Variants in GRK7 observed in about 807,000 individuals in gnomAD.
GRK7 encodes rhodopsin kinase GRK7.
GRK7 carries 24 observed loss-of-function variants against 34.1 expected under a neutral mutation model. That is an observed-to-expected ratio of 0.70 (90% CI 0.51 to 0.99). The LOEUF is 0.99. GRK7 is among the 50% of genes least tolerant of loss of function. The probability of loss-of-function intolerance (pLI) is 0.00; values close to 1 mark genes in which losing one functional copy is unlikely to be tolerated. For missense variants in GRK7, 644 were observed against 707.3 expected, an observed-to-expected ratio of 0.91 and a Z score of 1.02; for synonymous variants, 256 against 279.4, an observed-to-expected ratio of 0.92 and a Z score of 0.84.
chr3:141,779,642 C>T (rs2084661366), intron 3 of GRK7, among the ~76,000 whole-genome samples: 1 of 152,156 alleles, frequency 6.6e-6, no homozygotes, highest in Admixed American at 6.5e-5. Context: ...AATCTGGATC[C>T]AAGACACTCT....
the GRK7 span, among the ~76,000 whole-genome samples, chr3:141,752,230 A>G: frequency 1.3e-5 from 2 of 152,338 alleles, no homozygotes; most frequent in East Asian, 3.9e-4. Context: ...CAAAATGACA[A>G]TATTTTAAGC....
At chr3:141,806,629 G>A (rs1577926032) in intron 4 of GRK7, among the ~76,000 whole-genome samples, 1 of 151,672 alleles carries the variant, frequency 6.6e-6, no homozygotes, top group Admixed American at 6.6e-5. Context: ...TAAAATCAAT[G>A]CAGCCATAAA....
chr3:141,750,135 G>T, the GRK7 span, among the ~76,000 whole-genome samples: 3 of 152,032 alleles, frequency 2.0e-5, no homozygotes, highest in African/African-American at 4.8e-5. Context: ...AGTAATTGCG[G>T]TTTTTTTGCC....
At chr3:141,811,186 C>T (rs528844730) in intron 5 of GRK7, among the ~76,000 whole-genome samples, 10 of 151,768 alleles carry the variant, frequency 6.6e-5, no homozygotes, top group South Asian at 2.1e-4. Context: ...GGTGCAGTGG[C>T]GGGTGCCTGT....
chr3:141,816,931 A>C lies in GRK7; in HGVS notation c.1543A>C (p.Ile515Leu), dbSNP rs866839520. Residue 515 changes from isoleucine (I) to leucine (L), a missense_variant, in exon 6 of 6, where the codon ATA becomes CTA. Coordinates refer to ENST00000682958, the MANE Select transcript of GRK7 (RefSeq NM_139209.3). ...FKNFATGAVP[I>L]AWQEEIIETG... ...AAACTTTGCGACAGGTGCTGTTCCT[A>C]TAGCATGGCAGGAAGAAATTATAGA... 6.2e-7 allele frequency: 1 copy of C among 1,614,134 alleles called. No individual in the cohort carries two copies. Among genetic ancestry groups the C allele is most frequent in the Middle Eastern group, 1.6e-4 (1 of 6,062 alleles).
intron 4 of GRK7, among the ~76,000 whole-genome samples, chr3:141,803,374 C>T (rs1008311593): frequency 1.3e-5 from 2 of 151,226 alleles, no homozygotes; most frequent in African/African-American, 2.4e-5. Context: ...GAGGCTACAG[C>T]GAGCCAAGAT....
the GRK7 span, among the ~76,000 whole-genome samples, chr3:141,757,311 A>T: frequency 3.2e-5 from 3 of 94,684 alleles, no homozygotes; most frequent in East Asian, 3.0e-4. Flanking sequence ...CGCTCCCCCC[A>T]CCCCACCACA....
chr3:141,804,241 G>A (rs1711000500), intron 4 of GRK7, among the ~76,000 whole-genome samples: 1 of 152,130 alleles, frequency 6.6e-6, no homozygotes, highest in African/African-American at 2.4e-5. Context: ...AAAGGAGGCT[G>A]GGAGAGATGT....
In GRK7 at chr3:141,817,055, C is replaced by T; in HGVS notation, c.*5C>T. ...GGCGTGTGTTTGTTATTGTAAATTG[C>T]TCTCTTTACCAGACAGGCAGCAGGA... On this transcript the variant is annotated 3_prime_UTR_variant, in exon 6 of 6. Coordinates refer to ENST00000682958, the MANE Select transcript of GRK7 (RefSeq NM_139209.3). 6.3e-7 allele frequency: 1 copy of T among 1,576,868 alleles called. No homozygotes were observed. Among genetic ancestry groups the T allele is most frequent in the Non-Finnish European group, 8.6e-7 (1 of 1,164,662 alleles).
intron 1 of GRK7, among the ~76,000 whole-genome samples, chr3:141,768,304 C>T (rs1438307584): frequency 7.4e-5 from 11 of 147,704 alleles, no homozygotes; most frequent in African/African-American, 2.5e-4. Flanking sequence ...GAGTCTCGCT[C>T]TCTTCCCCAG....
chr3:141,769,156 C>T (rs555676717), intron 1 of GRK7, among the ~76,000 whole-genome samples: 1 of 152,152 alleles, frequency 6.6e-6, no homozygotes, highest in Non-Finnish European at 1.5e-5. Context: ...CTCCCAGGCA[C>T]CCCAAATTCT....
Position 141,778,980 on chromosome 3 carries a change from A to G in GRK7, c.612+84A>G. 5 of 1,318,872 alleles carry G rather than the reference A, an allele frequency of 3.8e-6. No individual in the cohort carries two copies. The South Asian group carries it at 7.2e-5, about 19-fold the overall frequency. 81.7% of individuals were successfully genotyped at this position (1,318,872 alleles called of 1,614,324 possible). A position where few individuals can be genotyped will look rare whatever the true frequency, so the allele number is the denominator to read the frequency against. On this transcript the variant is annotated intron_variant, in intron 3 of 5. Coordinates refer to ENST00000682958, the MANE Select transcript of GRK7 (RefSeq NM_139209.3). The surrounding 1 kb of genome is among the most constrained non-coding windows in gnomAD (Gnocchi z 4.1). ...TGTTGCCTTTCTTTTTTTAAATCTCAGTTACTTAGAACTAATTTCAGCACC... is the reference window on the plus strand; with the variant it reads ...TGTTGCCTTTCTTTTTTTAAATCTCGGTTACTTAGAACTAATTTCAGCACC...
At chr3:141,804,626 TAC>T (rs539916423) in intron 4 of GRK7, among the ~76,000 whole-genome samples, 70 of 147,988 alleles carry the variant, frequency 4.7e-4, no homozygotes, top group African/African-American at 1.4e-3. Flanking sequence ...CGCTCATACA[TAC>T]ACACACTCAC....
intron 5 of GRK7, among the ~76,000 whole-genome samples, chr3:141,813,239 T>C (rs1235646808): frequency 6.6e-6 from 1 of 152,126 alleles, no homozygotes; most frequent in African/African-American, 2.4e-5. Context: ...AATTCTCCTC[T>C]CTCAGCCTCC....
intron 2 of GRK7, among the ~76,000 whole-genome samples, chr3:141,777,542 T>C (rs1445550870): frequency 2.1e-5 from 3 of 145,054 alleles, no homozygotes; most frequent in African/African-American, 7.8e-5. Flanking sequence ...TTCACCGTGT[T>C]AGCCAGGATG....
intron 2 of GRK7, among the ~76,000 whole-genome samples, chr3:141,777,852 T>C (rs1315778930): frequency 6.6e-6 from 1 of 152,130 alleles, no homozygotes; most frequent in East Asian, 1.9e-4. Context: ...GGAGTTTACA[T>C]AGCTTGAGGC....
chr3:141,752,721 C>T, the GRK7 span, among the ~76,000 whole-genome samples: 28 of 152,262 alleles, frequency 1.8e-4, no homozygotes, highest in Non-Finnish European at 3.4e-4. Context: ...AATGTAGGCA[C>T]CAAGAGGTTA....
intron 4 of GRK7, among the ~76,000 whole-genome samples, chr3:141,804,747 A>T (rs1280577524): frequency 6.6e-6 from 1 of 151,718 alleles, no homozygotes; most frequent in Non-Finnish European, 1.5e-5. Context: ...ATACACATAC[A>T]TATGCACACT....
At chr3:141,809,382 T>A (rs2107894851) in intron 5 of GRK7, among the ~76,000 whole-genome samples, 1 of 152,244 alleles carries the variant, frequency 6.6e-6, no homozygotes, top group South Asian at 2.1e-4. Context: ...GTTTCATTGT[T>A]TATGATAGAA....
Sources: gnomAD v4.1 joint callset for allele counts (sites outside exome capture counted in the v4.1 genomes callset) on GRCh38, gnomAD v4.1.1 for gene constraint, Gnocchi (gnomAD v3.1) non-coding constraint, MANE v1.5 for transcripts, NCBI Gene and HGNC (gene_info 2026-07-23, HGNC 2026-07-21) for gene names.